Variants in CRYZL1 observed in about 807,000 individuals in gnomAD.
CRYZL1 encodes the protein crystallin zeta like 1.
CRYZL1 carries 34 observed loss-of-function variants against 50.6 expected under a neutral mutation model. The observed-to-expected ratio is 0.67, with a 90% confidence interval of 0.51 to 0.89. The LOEUF is 0.89. Among genes scored for constraint, CRYZL1 ranks in the 40% least tolerant of loss-of-function variants. CRYZL1 has a pLI of 0.00. For synonymous variants in CRYZL1, 125 were observed against 134.3 expected (o/e 0.93, Z 0.48); for missense variants, 354 against 402.3 (o/e 0.88, Z 1.03).
At chr21:33,608,517 T>C (rs939586814) in intron 6 of CRYZL1, among the ~76,000 whole-genome samples, 1 of 152,116 alleles carries the variant, frequency 6.6e-6, no homozygotes, top group African/African-American at 2.4e-5. Context: ...ATACCCTTTG[T>C]CCATCAACAC....
intron 11 of CRYZL1, among the ~76,000 whole-genome samples, chr21:33,593,678 T>C (rs1296035995): frequency 6.6e-6 from 1 of 152,100 alleles, no homozygotes; most frequent in Non-Finnish European, 1.5e-5. Flanking sequence ...TTCCAACATG[T>C]AAGATTCAAA....
chr21:33,606,580 C>T (rs1239994073), intron 6 of CRYZL1, among the ~76,000 whole-genome samples: 9 of 151,358 alleles, frequency 5.9e-5, no homozygotes, highest in Admixed American at 4.0e-4. Context: ...GAGCTGAGAT[C>T]GCGCCATTGC....
intron 3 of CRYZL1, among the ~76,000 whole-genome samples, chr21:33,623,922 A>C (rs2087030589): frequency 6.6e-6 from 1 of 152,190 alleles, no homozygotes; most frequent in Non-Finnish European, 1.5e-5. Flanking sequence ...TTTATGAGAG[A>C]GCGACACAAA....
chr21:33,619,739 C>G (rs972635543), intron 4 of CRYZL1, among the ~76,000 whole-genome samples: 13 of 152,174 alleles, frequency 8.5e-5, no homozygotes, highest in African/African-American at 3.1e-4. Flanking sequence ...AGTACCATAC[C>G]CTTGACGCCT....
intron 6 of CRYZL1, among the ~76,000 whole-genome samples, chr21:33,604,536 A>G (rs913977549): frequency 3.1e-4 from 47 of 152,052 alleles, no homozygotes; most frequent in African/African-American, 1.1e-3. Flanking sequence ...CTCAAAAAAA[A>G]AAAAAAAAAA....
At chr21:33,640,844 GAATT>G (rs527824655) in intron 1 of CRYZL1, among the ~76,000 whole-genome samples, 13 of 152,226 alleles carry the variant, frequency 8.5e-5, no homozygotes, top group African/African-American at 2.9e-4. Context: ...TAATTTTGAA[GAATT>G]AATTTTTTAA....
At position 33,624,194 on chromosome 21, in the gene CRYZL1, T is replaced by C. The variant is rs778058537; in HGVS notation, c.144+489A>G. On this transcript the variant is annotated intron_variant, in intron 3 of 12. Transcript: ENST00000381554. ...TACGTAACTTCAATCAGACTAATAA[T>C]GTCCCTTATATAGAAATATACAAAA... Among the ~76,000 whole-genome samples the C allele has an allele frequency of 6.6e-5, 10 of 152,320 alleles. No individual in the cohort carries two copies. The East Asian group carries it at 1.9e-3, about 29-fold the overall frequency.
chr21:33,626,818 G>T (rs571721660), intron 2 of CRYZL1, among the ~76,000 whole-genome samples: 2 of 152,090 alleles, frequency 1.3e-5, no homozygotes, highest in South Asian at 4.2e-4. Flanking sequence ...AACTGAACCT[G>T]GTACTAATAA....
At chr21:33,633,431 C>CT (rs1042758148) in intron 1 of CRYZL1, among the ~76,000 whole-genome samples, 27 of 147,166 alleles carry the variant, frequency 1.8e-4, no homozygotes, top group Non-Finnish European at 3.3e-4. Context: ...TTTTTTTTTT[C>CT]TTTTTTTTGC....
chr21:33,626,279 G>A (rs1248253603), intron 2 of CRYZL1, among the ~76,000 whole-genome samples: 2 of 152,112 alleles, frequency 1.3e-5, no homozygotes, highest in African/African-American at 4.8e-5. Context: ...ATTCTTTAGC[G>A]TCCTTTATTC....
chr21:33,624,668 TAAA>T lies in CRYZL1; in HGVS notation c.144+12_144+14del. On this transcript the variant is annotated intron_variant, in intron 3 of 12. Transcript: ENST00000381554. ...ACTCTCATTTTACTTTGTGCCATAA[TAAA>T]AGAACCAATACCTTTGTATTTATCT... is the stretch of plus-strand genomic sequence containing the variant. 1 of 1,606,108 alleles carries T rather than the reference TAAA, an allele frequency of 6.2e-7. No homozygotes were observed. The highest frequency in any genetic ancestry group is 8.5e-7 in the Non-Finnish European group (1 of 1,177,514).
At chr21:33,639,859 C>A in intron 1 of CRYZL1, 1 of 174,984 alleles carries the variant, frequency 5.7e-6, no homozygotes, top group Non-Finnish European at 1.1e-5. Flanking sequence ...GGGTCTCACT[C>A]TGTTGCCCAG....
chr21:33,602,135 T>C, intron 8 of CRYZL1, 99 bp downstream of exon 8: 1 of 694,954 alleles, frequency 1.4e-6, no homozygotes, highest in Non-Finnish European at 2.5e-6. Flanking sequence ...CCACTGCACC[T>C]GGCCAGGGAT....
At chr21:33,628,760 C>G (rs2087100382) in intron 2 of CRYZL1, among the ~76,000 whole-genome samples, 1 of 151,740 alleles carries the variant, frequency 6.6e-6, no homozygotes, top group South Asian at 2.1e-4. Context: ...AGCCAGCATG[C>G]CTGGTTAACT....
chr21:33,595,725 G>T lies in CRYZL1; in HGVS notation c.904+6C>A, dbSNP rs750448957. ...CAGAAACTCAATCAGTCGATAAAAA[G>T]GATATAAAGATATTTTCCCTGTTGT... On this transcript the variant is annotated splice_donor_region_variant and intron_variant, in intron 11 of 12. Coordinates refer to ENST00000381554, the MANE Select transcript of CRYZL1 (RefSeq NM_145858.3). The T allele has an allele frequency of 3.1e-6, 5 of 1,612,158 alleles. No homozygotes were observed. The highest frequency in any genetic ancestry group is 3.4e-6 in the Non-Finnish European group (4 of 1,178,250).
chr21:33,636,789 T>C (rs2087211475), intron 1 of CRYZL1, among the ~76,000 whole-genome samples: 1 of 152,182 alleles, frequency 6.6e-6, no homozygotes, highest in Non-Finnish European at 1.5e-5. Flanking sequence ...TCTGTTACAC[T>C]CAATCCCCCA....
chr21:33,597,860 C>T (rs537403389), intron 9 of CRYZL1, among the ~76,000 whole-genome samples: 5 of 152,110 alleles, frequency 3.3e-5, no homozygotes, highest in South Asian at 2.1e-4. Context: ...GTGATCCGCC[C>T]GCCTCGGCCT....
At chr21:33,599,365 A>T in intron 8 of CRYZL1, 117 bp from the exon 9 acceptor site, 4 of 1,326,724 alleles carry the variant, frequency 3.0e-6, no homozygotes, top group Non-Finnish European at 4.2e-6. Context: ...GAGTTAAGCA[A>T]TTCAAACAAT....
rs779333910 is a variant in CRYZL1, at chr21:33,631,520, G to T, written c.32C>A (p.Thr11Lys). ...AAATACAAATGTTATTTCTTCATCT[G>T]TGGAACTCTGTTGGAAATATAAGCC... MKGLYFQQSS[T>K]DEEITFVFQE... is the part of the protein sequence containing the mutation. The change falls in exon 2 of 13, where the codon ACA (threonine) becomes AAA (lysine). Residue 11 changes from threonine (T) to lysine (K), a missense_variant. Coordinates refer to ENST00000381554, the MANE Select transcript of CRYZL1 (RefSeq NM_145858.3). 6 of 1,519,278 alleles carry T rather than the reference G, an allele frequency of 3.9e-6. No homozygotes were observed. In the East Asian group the frequency reaches 1.2e-4, roughly 31 times the overall value. 94.1% of individuals were successfully genotyped at this position (1,519,278 alleles called of 1,614,324 possible).
Sources: allele counts gnomAD v4.1 joint callset (sites outside exome capture counted in the v4.1 genomes callset), GRCh38; gene constraint gnomAD v4.1.1; transcripts MANE v1.5; gene names NCBI Gene and HGNC (gene_info 2026-07-23, HGNC 2026-07-21).